PHF24: variants seen among roughly 807,000 people sequenced by gnomAD.
PHF24 encodes PHD finger protein 24, also known as Galpha inhibitory interacting protein.
PHF24 carries 25 observed loss-of-function variants against 42.6 expected under a neutral mutation model. The observed-to-expected ratio is 0.59, with a 90% CI of 0.43 to 0.82. PHF24 has a LOEUF of 0.82. Ranked by LOEUF, PHF24 falls within the 40% of genes least tolerant of loss-of-function variation. The pLI is 0.00. For missense variants in PHF24, 470 were observed against 538.1 expected (o/e 0.87, Z 1.25); for synonymous variants, 185 against 204.8 (o/e 0.90, Z 0.83).
At chr9:34,674,876 T>G in the PHF24 span, among the ~76,000 whole-genome samples, 1 of 152,172 alleles carries the variant, frequency 6.6e-6, no homozygotes, top group Non-Finnish European at 1.5e-5. Flanking sequence ...GTTGTTATTT[T>G]TGTTTTTTGA....
chr9:34,869,540 A>G, the PHF24 span, among the ~76,000 whole-genome samples: 11 of 151,996 alleles, frequency 7.2e-5, no homozygotes, highest in Non-Finnish European at 1.5e-4. Context: ...TCTTGGCCAT[A>G]TGAATGTCTT....
At chr9:34,903,638 T>C in the PHF24 span, among the ~76,000 whole-genome samples, 45 of 152,284 alleles carry the variant, frequency 3.0e-4, 1 homozygote, top group Middle Eastern at 6.8e-3. Flanking sequence ...GATCCAAAGG[T>C]CTCCAGTGTC....
At chr9:34,943,831 C>T in the PHF24 span, among the ~76,000 whole-genome samples, 57 of 152,248 alleles carry the variant, frequency 3.7e-4, no homozygotes, top group African/African-American at 1.3e-3. Flanking sequence ...CTCATTAGTC[C>T]CATGGATATC....
the PHF24 span, among the ~76,000 whole-genome samples, chr9:34,877,422 A>T: frequency 6.6e-6 from 1 of 152,210 alleles, no homozygotes; most frequent in African/African-American, 2.4e-5. Flanking sequence ...AGAATAGGCA[A>T]ATTCTCAGAG....
the PHF24 span, among the ~76,000 whole-genome samples, chr9:34,746,695 C>T: frequency 2.0e-5 from 3 of 152,178 alleles, no homozygotes; most frequent in Non-Finnish European, 4.4e-5. Context: ...AGTCTCCTTT[C>T]CTTGCTCAAT....
At chr9:34,947,311 A>G in the PHF24 span, among the ~76,000 whole-genome samples, 3 of 152,238 alleles carry the variant, frequency 2.0e-5, no homozygotes, top group East Asian at 5.8e-4. Flanking sequence ...AATGAAGCTG[A>G]AAAATTCCTA....
chr9:34,738,368 T>C, the PHF24 span, among the ~76,000 whole-genome samples: 1 of 152,178 alleles, frequency 6.6e-6, no homozygotes, highest in African/African-American at 2.4e-5. Flanking sequence ...TTATTTTTAT[T>C]GAGACAGAGT....
At chr9:34,825,150 A>G in the PHF24 span, among the ~76,000 whole-genome samples, 100 of 151,982 alleles carry the variant, frequency 6.6e-4, no homozygotes, top group African/African-American at 2.3e-3. Context: ...AAGTGTGTCT[A>G]CGTGGTTTGT....
the PHF24 span, among the ~76,000 whole-genome samples, chr9:34,838,907 C>T: frequency 6.8e-4 from 104 of 152,320 alleles, 2 homozygotes; most frequent in South Asian, 0.021. Flanking sequence ...AACTCTCCCA[C>T]TAGTTTTGGA....
the PHF24 span, among the ~76,000 whole-genome samples, chr9:34,910,019 G>A: frequency 1.3e-5 from 2 of 152,196 alleles, no homozygotes; most frequent in Non-Finnish European, 2.9e-5. Context: ...CTTCATTTCT[G>A]TACTTCAGGA....
the PHF24 span, among the ~76,000 whole-genome samples, chr9:34,759,653 G>A: frequency 2.0e-5 from 3 of 152,144 alleles, no homozygotes; most frequent in African/African-American, 7.2e-5. Flanking sequence ...GGCTGTAACA[G>A]TTCTATCACC....
At chr9:34,849,816 G>A in the PHF24 span, among the ~76,000 whole-genome samples, 1 of 152,084 alleles carries the variant, frequency 6.6e-6, no homozygotes, top group Admixed American at 6.6e-5. Flanking sequence ...AAATCTCTCA[G>A]CATTTGCTTG....
chr9:34,747,135 T>G, the PHF24 span, among the ~76,000 whole-genome samples: 1 of 152,134 alleles, frequency 6.6e-6, no homozygotes, highest in Admixed American at 6.6e-5. Context: ...CTGCAGGACA[T>G]AGTGGCACAC....
At chr9:34,791,108 A>G in the PHF24 span, among the ~76,000 whole-genome samples, 1 of 152,388 alleles carries the variant, frequency 6.6e-6, no homozygotes, top group Middle Eastern at 3.4e-3. Flanking sequence ...ATGTTTTAAA[A>G]GAACCACCCT....
chr9:34,906,162 T>C, the PHF24 span, among the ~76,000 whole-genome samples: 7 of 152,138 alleles, frequency 4.6e-5, no homozygotes, highest in African/African-American at 1.7e-4. Flanking sequence ...TCTGAAAATA[T>C]TTTAAAGAGG....
the PHF24 span, among the ~76,000 whole-genome samples, chr9:34,788,054 T>C: frequency 3.3e-5 from 5 of 152,182 alleles, no homozygotes; most frequent in Non-Finnish European, 7.4e-5. Context: ...TTTTGTTTTT[T>C]TGAGACAGGG....
chr9:34,869,481 T>C, the PHF24 span, among the ~76,000 whole-genome samples: 1 of 152,240 alleles, frequency 6.6e-6, no homozygotes, highest in Non-Finnish European at 1.5e-5. Flanking sequence ...CTTGTAGTTT[T>C]TATTTGTGTT....
At chr9:34,711,638 G>A in the PHF24 span, among the ~76,000 whole-genome samples, 32,285 of 151,646 alleles carry the variant, frequency 0.21, 3,932 homozygotes, top group African/African-American at 0.32. Flanking sequence ...CACCCTCCGG[G>A]TTCAAGCCAT....
At chr9:34,835,207 A>G in the PHF24 span, 1 of 1,552,018 alleles carries the variant, frequency 6.4e-7, no homozygotes, top group Non-Finnish European at 8.7e-7. Flanking sequence ...TGGGCTGGCC[A>G]GCCACACATG....
Sources: gnomAD v4.1 joint callset for allele counts (sites outside exome capture counted in the v4.1 genomes callset) on GRCh38, gnomAD v4.1.1 for gene constraint, MANE v1.5 for transcripts, NCBI Gene and HGNC (gene_info 2026-07-23, HGNC 2026-07-21) for gene names.